EPS8: variants seen among roughly 807,000 people sequenced by gnomAD.
EPS8 encodes epidermal growth factor receptor kinase substrate 8.
A neutral mutation model predicts 103.8 loss-of-function variants in EPS8; 42 were observed. The ratio of observed to expected loss-of-function variants is 0.40; its 90% confidence interval spans 0.32 to 0.52. EPS8 has a LOEUF of 0.52. Ranked by LOEUF, EPS8 falls within the 20% of genes least tolerant of loss-of-function variation. The probability of loss-of-function intolerance (pLI) is 0.40; values close to 1 mark genes in which losing one functional copy is unlikely to be tolerated. For missense variants in EPS8, 969 were observed against 1,005.1 expected (o/e 0.96, Z 0.49); for synonymous variants, 344 against 344.6 (o/e 1.00, Z 0.02).
At chr12:15,633,529 T>G (rs1271757378) in intron 17 of EPS8, among the ~76,000 whole-genome samples, 2 of 152,224 alleles carry the variant, frequency 1.3e-5, no homozygotes, top group African/African-American at 2.4e-5. Flanking sequence ...GTGAATAAAC[T>G]GTGTTACTGT....
At chr12:15,673,846 T>C (rs1945858432) in intron 3 of EPS8, among the ~76,000 whole-genome samples, 1 of 152,184 alleles carries the variant, frequency 6.6e-6, no homozygotes, top group African/African-American at 2.4e-5. Flanking sequence ...GGCCCCTGCC[T>C]CTCTTTCTCG....
At chr12:15,786,064 T>C (rs1947307911) in intron 1 of EPS8, among the ~76,000 whole-genome samples, 1 of 151,900 alleles carries the variant, frequency 6.6e-6, no homozygotes, top group Admixed American at 6.6e-5. Flanking sequence ...GAAGCATAAC[T>C]CTCTACTCCT....
rs1946155641 is a variant in EPS8, at chr12:15,690,427, C to T, written c.-21-7455G>A. 6.6e-6 allele frequency among the ~76,000 whole-genome samples: 1 copy of T among 152,036 alleles called. No individual in the cohort carries two copies. The highest frequency in any genetic ancestry group is 1.5e-5 in the Non-Finnish European group (1 of 68,008). ...TATTATAATGCACATACTTACACTA[C>T]CCCCAAACTACTTCTCATATATTTT... On this transcript the variant is annotated intron_variant, in intron 1 of 20. Transcript: ENST00000281172. This position sits in a 1 kb window ranked among gnomAD's most constrained non-coding sequence, Gnocchi z 4.7.
At chr12:15,782,740 A>T (rs190692195) in intron 1 of EPS8, among the ~76,000 whole-genome samples, 4 of 152,284 alleles carry the variant, frequency 2.6e-5, no homozygotes, top group African/African-American at 7.2e-5. Flanking sequence ...ATGTAAACAA[A>T]TGTAAAGATG....
intron 10 of EPS8, among the ~76,000 whole-genome samples, chr12:15,659,689 AAAGG>A (rs1163282624): frequency 6.6e-6 from 1 of 152,212 alleles, no homozygotes; most frequent in Non-Finnish European, 1.5e-5. Context: ...ATCTGTAATG[AAAGG>A]GATATTTATT....
intron 1 of EPS8, chr12:15,732,811 C>A (rs1293156529): frequency 1.1e-6 from 1 of 944,072 alleles, no homozygotes; most frequent in Non-Finnish European, 1.3e-6. Context: ...CTTGAGCTAG[C>A]GCTGAAGATT....
rs896587301 is a variant in EPS8, at chr12:15,731,554, T to C, written c.-21-48582A>G. On this transcript the variant is annotated intron_variant, in intron 1 of 20. Coordinates refer to ENST00000281172, the MANE Select transcript of EPS8 (RefSeq NM_004447.6). The surrounding 1 kb of genome is among the most constrained non-coding windows in gnomAD (Gnocchi z 5.1). The stretch of plus-strand genomic sequence containing the variant: ...TTCAGGTGATCCACCCACCTTGGCA[T>C]CCCAAAGTGCTGGGATTATAGGCAT... Among the ~76,000 whole-genome samples the C allele has an allele frequency of 6.6e-6, 1 of 152,212 alleles. No individual in the cohort carries two copies. The highest frequency in any genetic ancestry group is 6.5e-5 in the Admixed American group (1 of 15,282).
intron 3 of EPS8, among the ~76,000 whole-genome samples, chr12:15,680,968 G>A (rs1367279262): frequency 6.6e-6 from 1 of 151,920 alleles, no homozygotes; most frequent in East Asian, 1.9e-4. Flanking sequence ...AAGCCACCTA[G>A]GGCATTGGCA....
chr12:15,670,602 CTATTA>C (rs1268260398), intron 4 of EPS8, among the ~76,000 whole-genome samples: 1 of 151,972 alleles, frequency 6.6e-6, no homozygotes, highest in Non-Finnish European at 1.5e-5. Flanking sequence ...AGCCATTATT[CTATTA>C]TAAGTGAAAT....
Position 15,620,844 on chromosome 12 carries a change from C to A in EPS8, c.*473G>T, listed in dbSNP as rs1944851555. 6.6e-6 allele frequency: 1 copy of A among 152,276 alleles called. No individual in the cohort carries two copies. 9.4% of individuals were successfully genotyped at this position (152,276 alleles called of 1,614,324 possible). A position where few individuals can be genotyped will look rare whatever the true frequency, so the allele number is the denominator to read the frequency against. Reference sequence around the variant, plus strand: ...AGAACTTTAAATAAATCTAAATATTCTTCCATTGAGTATGTCAGAGAAGAG... The same window carrying A: ...AGAACTTTAAATAAATCTAAATATTATTCCATTGAGTATGTCAGAGAAGAG... On this transcript the variant is annotated 3_prime_UTR_variant, in exon 21 of 21. Coordinates refer to ENST00000281172, the MANE Select transcript of EPS8 (RefSeq NM_004447.6).
intron 7 of EPS8, 44 bp from the exon 8 acceptor site, chr12:15,665,936 C>T: frequency 6.3e-7 from 1 of 1,584,658 alleles, no homozygotes; most frequent in Non-Finnish European, 8.6e-7. Flanking sequence ...ATCTCTATTT[C>T]TATAACATAT....
chr12:15,724,738 G>T (rs933875145), intron 1 of EPS8, among the ~76,000 whole-genome samples: 2 of 152,120 alleles, frequency 1.3e-5, no homozygotes, highest in Non-Finnish European at 2.9e-5. Context: ...TTTATAAGGG[G>T]TTTTTCCTTT....
At chr12:15,710,862 A>C (rs144158619) in intron 1 of EPS8, among the ~76,000 whole-genome samples, 1 of 152,132 alleles carries the variant, frequency 6.6e-6, no homozygotes, top group Non-Finnish European at 1.5e-5. Context: ...CAACTACACT[A>C]TTATTTAAAA....
intron 12 of EPS8, chr12:15,657,824 A>G (rs1945534320): frequency 5.3e-6 from 2 of 379,512 alleles, no homozygotes; most frequent in Non-Finnish European, 4.8e-6. Flanking sequence ...TATCCAATAA[A>G]TCTTTATTTC....
chr12:15,717,780 G>A lies in EPS8; in HGVS notation c.-21-34808C>T, dbSNP rs141953790. Among the ~76,000 whole-genome samples the A allele has an allele frequency of 1.2e-4, 18 of 152,106 alleles. No individual in the cohort carries two copies. The East Asian group carries it at 1.7e-3, about 15-fold the overall frequency. ...AATATTGATTTGAGAAAAATGAACC[G>A]CAAAATTATGTAACAGGGAATATAA... On this transcript the variant is annotated intron_variant, in intron 1 of 20. Coordinates refer to ENST00000281172, the MANE Select transcript of EPS8 (RefSeq NM_004447.6). The surrounding 1 kb of genome is among the most constrained non-coding windows in gnomAD (Gnocchi z 4.3).
At chr12:15,756,734 G>A (rs1447921246) in intron 1 of EPS8, among the ~76,000 whole-genome samples, 1 of 152,076 alleles carries the variant, frequency 6.6e-6, no homozygotes, top group Non-Finnish European at 1.5e-5. Context: ...ATTTACGTAG[G>A]AAGAAATTTG....
rs1947048969 is a variant in EPS8 at position 15,762,203 on chromosome 12, T to C, written c.-22+26958A>G. Among the ~76,000 whole-genome samples, 1 of 152,162 alleles carries C rather than the reference T, an allele frequency of 6.6e-6. No individual in the cohort carries two copies. The highest frequency in any genetic ancestry group is 6.5e-5 in the Admixed American group (1 of 15,276). On this transcript the variant is annotated intron_variant, in intron 1 of 20. Transcript: ENST00000281172. This position sits in a 1 kb window ranked among gnomAD's most constrained non-coding sequence, Gnocchi z 4.8. ...AAAAGGTGCTCAACATCACTGATCA[T>C]CAGAGAAATGCAAATTAAAACTACA...
At chr12:15,722,178 AC>A (rs1946604027) in intron 1 of EPS8, among the ~76,000 whole-genome samples, 1 of 150,214 alleles carries the variant, frequency 6.7e-6, no homozygotes, top group South Asian at 2.1e-4. Context: ...AAATACACTA[AC>A]GATAGCTGAT....
rs1019858314 is a variant in EPS8 at position 15,745,788 on chromosome 12, T to A, written c.-22+43373A>T. ...GCCTTTTAGTAGAAACATCAAGAGC[T>A]ATTATATGTGGTTTCCCAGTACATG... On this transcript the variant is annotated intron_variant, in intron 1 of 20. Coordinates refer to ENST00000281172, the MANE Select transcript of EPS8 (RefSeq NM_004447.6). The surrounding 1 kb of genome is among the most constrained non-coding windows in gnomAD (Gnocchi z 4.6). 1.6e-4 allele frequency among the ~76,000 whole-genome samples: 25 copies of A among 152,328 alleles called. No individual in the cohort carries two copies. The highest frequency in any genetic ancestry group is 1.1e-3 in the Admixed American group (17 of 15,302).
Sources: gnomAD v4.1 joint callset for allele counts (sites outside exome capture counted in the v4.1 genomes callset) on GRCh38, gnomAD v4.1.1 for gene constraint, Gnocchi (gnomAD v3.1) non-coding constraint, MANE v1.5 for transcripts, NCBI Gene and HGNC (gene_info 2026-07-23, HGNC 2026-07-21) for gene names.